The following DPP10 variants were observed in gnomAD, a reference collection of about 807,000 sequenced individuals.
The protein encoded by DPP10 is dipeptidyl peptidase like 10, also known as inactive dipeptidyl peptidase 10.
In DPP10, 33 loss-of-function variants were observed where a neutral mutation model predicts 120.9. The observed-to-expected ratio is 0.27, with a 90% CI of 0.21 to 0.37. The LOEUF is 0.37. DPP10 is among the 10% of genes least tolerant of loss of function. DPP10 has a pLI of 1.00. For synonymous variants in DPP10, 337 were observed against 326.1 expected, an observed-to-expected ratio of 1.03 and a Z score of -0.36; for missense variants, 816 against 942.8, an observed-to-expected ratio of 0.87 and a Z score of 1.76.
At chr2:115,212,790 A>G (rs77054094) in intron 1 of DPP10, among the ~76,000 whole-genome samples, 6,935 of 152,228 alleles carry the variant, frequency 0.046, 229 homozygotes, top group Middle Eastern at 0.095. Flanking sequence ...ATTGGGGCAT[A>G]TTTGTTCATA....
intron 11 of DPP10, among the ~76,000 whole-genome samples, chr2:115,758,944 G>A (rs899807506): frequency 6.6e-6 from 1 of 152,102 alleles, no homozygotes. Context: ...ATAAATCATA[G>A]CCCTAAATTT....
chr2:114,497,977 T>C (rs562306319), intron 1 of DPP10, among the ~76,000 whole-genome samples: 1 of 152,226 alleles, frequency 6.6e-6, no homozygotes, highest in Non-Finnish European at 1.5e-5. Flanking sequence ...AGCCTTGCCT[T>C]CTGGATTGTT....
intron 19 of DPP10, among the ~76,000 whole-genome samples, chr2:115,804,896 G>A (rs529715021): frequency 1.4e-3 from 210 of 152,344 alleles, no homozygotes; most frequent in African/African-American, 4.9e-3. Flanking sequence ...ACTTGAGGAG[G>A]CAGTCTGCCT....
intron 5 of DPP10, among the ~76,000 whole-genome samples, chr2:115,584,768 T>A (rs1263214884): frequency 6.6e-6 from 1 of 152,170 alleles, no homozygotes; most frequent in African/African-American, 2.4e-5. Flanking sequence ...CCATGGCATC[T>A]AGTGGAGCCA....
intron 5 of DPP10, among the ~76,000 whole-genome samples, chr2:115,654,701 T>C (rs1008966303): frequency 6.6e-6 from 1 of 151,896 alleles, no homozygotes; most frequent in African/African-American, 2.4e-5. Flanking sequence ...GAATTTCTTA[T>C]ATGATTGCTC....
At chr2:115,741,397 ACTT>A (rs927620146) in intron 9 of DPP10, among the ~76,000 whole-genome samples, 6 of 151,858 alleles carry the variant, frequency 4.0e-5, no homozygotes, top group African/African-American at 1.2e-4. Context: ...AAAGAAAAGA[ACTT>A]CTGCTTTCTC....
intron 4 of DPP10, among the ~76,000 whole-genome samples, chr2:115,500,484 G>T (rs377455870): frequency 1.1e-4 from 16 of 151,574 alleles, no homozygotes; most frequent in Admixed American, 2.6e-4. Context: ...TTTAATCTTC[G>T]TATTTATTAT....
At chr2:115,153,411 A>C (rs1231168376) in intron 1 of DPP10, among the ~76,000 whole-genome samples, 2 of 152,144 alleles carry the variant, frequency 1.3e-5, no homozygotes, top group South Asian at 4.1e-4. Flanking sequence ...ATATGCATTG[A>C]CTATTTGGGG....
chr2:115,265,333 C>G (rs1490923281), intron 1 of DPP10, among the ~76,000 whole-genome samples: 1 of 151,078 alleles, frequency 6.6e-6, no homozygotes, highest in African/African-American at 2.4e-5. Context: ...TAATTTCACT[C>G]AGTATCCTGT....
chr2:115,458,032 C>T (rs559576915), intron 3 of DPP10, among the ~76,000 whole-genome samples: 1 of 152,170 alleles, frequency 6.6e-6, no homozygotes, highest in South Asian at 2.1e-4. Flanking sequence ...AAACATTATG[C>T]TGATTAAAAG....
intron 1 of DPP10, among the ~76,000 whole-genome samples, chr2:115,092,302 C>T (rs752550458): frequency 6.6e-6 from 1 of 152,100 alleles, no homozygotes; most frequent in Non-Finnish European, 1.5e-5. Context: ...TGCTCATTTC[C>T]AGAATGCTCT....
chr2:115,829,742 A>G (rs1688731279), intron 21 of DPP10, among the ~76,000 whole-genome samples: 1 of 151,728 alleles, frequency 6.6e-6, no homozygotes, highest in South Asian at 2.1e-4. Flanking sequence ...ATTTCTAACT[A>G]TTGCTTATTA....
At chr2:114,591,140 A>G (rs1227637454) in intron 1 of DPP10, among the ~76,000 whole-genome samples, 1 of 152,208 alleles carries the variant, frequency 6.6e-6, no homozygotes, top group Non-Finnish European at 1.5e-5. Context: ...CAGCCCACTT[A>G]AAACCTTCCC....
intron 3 of DPP10, among the ~76,000 whole-genome samples, chr2:115,465,000 A>G (rs373859545): frequency 1.3e-5 from 2 of 152,214 alleles, no homozygotes; most frequent in African/African-American, 2.4e-5. Context: ...CTTAAAAAGA[A>G]CAAGTCACTA....
chr2:115,526,686 G>A (rs943085510), intron 5 of DPP10, among the ~76,000 whole-genome samples: 5 of 152,096 alleles, frequency 3.3e-5, no homozygotes, highest in African/African-American at 9.7e-5. Flanking sequence ...ATTCAAGGAC[G>A]TTTATGAGCT....
At chr2:114,977,676 T>C (rs990878213) in intron 1 of DPP10, among the ~76,000 whole-genome samples, 3 of 152,148 alleles carry the variant, frequency 2.0e-5, no homozygotes, top group Non-Finnish European at 2.9e-5. Context: ...CCTACATTGC[T>C]GTGTAAAATC....
At chr2:115,286,108 C>T (rs2060353450) in intron 1 of DPP10, among the ~76,000 whole-genome samples, 1 of 151,788 alleles carries the variant, frequency 6.6e-6, no homozygotes, top group Non-Finnish European at 1.5e-5. Context: ...AGGAAACAGA[C>T]TCAGTGTTTT....
chr2:115,571,222 A>G (rs185461885), intron 5 of DPP10, among the ~76,000 whole-genome samples: 2 of 152,326 alleles, frequency 1.3e-5, no homozygotes, highest in Admixed American at 1.3e-4. Context: ...ATTGTTGCCA[A>G]CATCTTTTTT....
chr2:115,710,245 A>T (rs933800579), intron 7 of DPP10, among the ~76,000 whole-genome samples: 1 of 152,174 alleles, frequency 6.6e-6, no homozygotes, highest in Non-Finnish European at 1.5e-5. Context: ...GGAAATGTTA[A>T]GTATATGAGT....
Sources: allele counts gnomAD v4.1 joint callset (sites outside exome capture counted in the v4.1 genomes callset), GRCh38; gene constraint gnomAD v4.1.1; transcripts MANE v1.5; gene names NCBI Gene and HGNC (gene_info 2026-07-23, HGNC 2026-07-21).